Variants in THEM4 observed in about 807,000 individuals in gnomAD.
The protein encoded by THEM4 is thioesterase superfamily member 4, also known as acyl-coenzyme A thioesterase THEM4.
THEM4 carries 22 observed loss-of-function variants against 25.0 expected under a neutral mutation model. The observed-to-expected ratio is 0.88, with a 90% CI of 0.63 to 1.26. The LOEUF (loss-of-function observed/expected upper bound fraction) is 1.26. THEM4 is among the 50% of genes most tolerant of loss of function. THEM4 has a pLI of 0.00. For synonymous variants in THEM4, 113 were observed against 105.6 expected (o/e 1.07, Z -0.43); for missense variants, 286 against 300.3 (o/e 0.95, Z 0.35).
chr1:151,893,296 C>T (rs1034399732), intron 2 of THEM4, among the ~76,000 whole-genome samples: 6 of 147,352 alleles, frequency 4.1e-5, no homozygotes, highest in East Asian at 2.1e-4. Flanking sequence ...CACTTGAACC[C>T]GGGAGGAGGA....
chr1:151,905,148 C>A (rs566137406), intron 1 of THEM4, among the ~76,000 whole-genome samples: 1 of 152,292 alleles, frequency 6.6e-6, no homozygotes, highest in East Asian at 1.9e-4. Context: ...AAAAAGAGCT[C>A]CCCAGAGAAC....
intron 2 of THEM4, chr1:151,889,978 C>T (rs1391264077): frequency 5.0e-6 from 1 of 201,106 alleles, no homozygotes; most frequent in Non-Finnish European, 1.1e-5. Context: ...GTGATCTCAG[C>T]TCACCGCAAC....
chr1:151,891,973 T>G (rs1440269712), intron 2 of THEM4, among the ~76,000 whole-genome samples: 1 of 152,062 alleles, frequency 6.6e-6, no homozygotes, highest in African/African-American at 2.4e-5. Flanking sequence ...TGTTTTTTTT[T>G]GAGACAGAAT....
chr1:151,874,942 A>G lies in THEM4; in HGVS notation c.683-14T>C, dbSNP rs1653639935. ...TTATAAATAAGCCTAAACAAACAAA[A>G]TAACAGCAGATGATTATATGTCAAC... On this transcript the variant is annotated splice_polypyrimidine_tract_variant and intron_variant, in intron 5 of 5. Transcript: ENST00000368814. 6.2e-7 allele frequency: 1 copy of G among 1,606,472 alleles called. No homozygotes were observed. The highest frequency in any genetic ancestry group is 8.5e-7 in the Non-Finnish European group (1 of 1,173,006).
At chr1:151,880,729 C>A (rs1479093379) in intron 4 of THEM4, among the ~76,000 whole-genome samples, 1 of 152,046 alleles carries the variant, frequency 6.6e-6, no homozygotes, top group Non-Finnish European at 1.5e-5. Flanking sequence ...TTTTGTGTAG[C>A]ATATTTTCTC....
At chr1:151,895,456 CTTT>C (rs1654202724) in intron 1 of THEM4, among the ~76,000 whole-genome samples, 1 of 152,064 alleles carries the variant, frequency 6.6e-6, no homozygotes. Context: ...TGATTCCATT[CTTT>C]TTTTCCAGAC....
At chr1:151,907,490 C>G (rs1463806473) in intron 1 of THEM4, among the ~76,000 whole-genome samples, 1 of 152,202 alleles carries the variant, frequency 6.6e-6, no homozygotes, top group East Asian at 1.9e-4. Context: ...CCACTGTAAG[C>G]TTGTTTCAAG....
intron 1 of THEM4, among the ~76,000 whole-genome samples, chr1:151,908,727 G>A (rs1334927666): frequency 3.3e-5 from 5 of 152,184 alleles, no homozygotes; most frequent in African/African-American, 1.2e-4. Context: ...GGTCGACTGA[G>A]TTATTTTTCT....
rs912227727 is a variant in THEM4, at chr1:151,874,640, G to C, written c.*248C>G. On this transcript the variant is annotated 3_prime_UTR_variant, in exon 6 of 6. Transcript: ENST00000368814. The stretch of plus-strand genomic sequence containing the variant: ...TCCGCCTGCCTCGGCCTCCTAAAGT[G>C]CTGGGATTATAGGTGTGAGCCACAG... The C allele has an allele frequency of 9.1e-6, 5 of 550,658 alleles. No homozygotes were observed. The highest frequency in any genetic ancestry group is 1.6e-5 in the Non-Finnish European group (5 of 309,460). 34.1% of individuals were successfully genotyped at this position (550,658 alleles called of 1,614,324 possible).
chr1:151,879,383 T>C (rs1653758373), intron 4 of THEM4, among the ~76,000 whole-genome samples: 1 of 151,926 alleles, frequency 6.6e-6, no homozygotes, highest in Non-Finnish European at 1.5e-5. Context: ...AATGTTACTC[T>C]AATTTACTAT....
At chr1:151,876,510 C>T (rs180856609) in intron 5 of THEM4, among the ~76,000 whole-genome samples, 19 of 149,310 alleles carry the variant, frequency 1.3e-4, no homozygotes, top group East Asian at 1.2e-3. Context: ...TGCAGAGGTG[C>T]GATCTCAGCT....
chr1:151,883,637 G>T (rs970665826), intron 4 of THEM4, among the ~76,000 whole-genome samples: 6 of 149,002 alleles, frequency 4.0e-5, no homozygotes, highest in Admixed American at 6.7e-5. Context: ...ATTTAATTGT[G>T]CATTTTTTTT....
chr1:151,879,829 T>C (rs1653772902), intron 4 of THEM4, among the ~76,000 whole-genome samples: 1 of 151,550 alleles, frequency 6.6e-6, no homozygotes, highest in Non-Finnish European at 1.5e-5. Context: ...GCTAAGTTTT[T>C]GTATTTTTAG....
intron 1 of THEM4, among the ~76,000 whole-genome samples, chr1:151,905,735 C>A (rs1159605878): frequency 6.6e-6 from 1 of 152,212 alleles, no homozygotes. Flanking sequence ...CCTTGCTCTG[C>A]AAGTTTTATG....
chr1:151,875,377 T>C (rs1653649343), intron 5 of THEM4, among the ~76,000 whole-genome samples: 1 of 64,604 alleles, frequency 1.5e-5, no homozygotes, highest in Non-Finnish European at 3.0e-5. Flanking sequence ...ATAAATTTCT[T>C]AAACAAGATA....
At chr1:151,874,996 T>C (rs1163169096) in intron 5 of THEM4, 68 bp from the exon 6 acceptor site, 1 of 1,172,978 alleles carries the variant, frequency 8.5e-7, no homozygotes, top group Non-Finnish European at 1.3e-6. Flanking sequence ...CTACTCTAAA[T>C]AGAAAGACAT....
In THEM4 at chr1:151,887,796, A is replaced by T. The variant is rs1022651648; in HGVS notation, c.557+477T>A. Among the ~76,000 whole-genome samples, 12 of 152,214 alleles carry T rather than the reference A, an allele frequency of 7.9e-5. No individual in the cohort carries two copies. In the East Asian group the frequency reaches 1.7e-3, roughly 22 times the overall value. ...CACTGCTGGGCCCAGCTAAATTTTTAAAAAATTAATTTTGTTATGTAGTAG... is the reference window on the plus strand; with the variant it reads ...CACTGCTGGGCCCAGCTAAATTTTTTAAAAATTAATTTTGTTATGTAGTAG... On this transcript the variant is annotated intron_variant, in intron 4 of 5. Transcript: ENST00000368814.
intron 4 of THEM4, among the ~76,000 whole-genome samples, chr1:151,879,380 C>G (rs1431973103): frequency 6.6e-6 from 1 of 151,382 alleles, no homozygotes; most frequent in Non-Finnish European, 1.5e-5. Context: ...GCTAATGTTA[C>G]TCTAATTTAC....
intron 5 of THEM4, among the ~76,000 whole-genome samples, chr1:151,876,021 T>C (rs1372659534): frequency 6.6e-6 from 1 of 152,160 alleles, no homozygotes; most frequent in Non-Finnish European, 1.5e-5. Context: ...AGAGAGACAT[T>C]CATTGTGGGA....
Sources: gnomAD v4.1 joint callset for allele counts (sites outside exome capture counted in the v4.1 genomes callset) on GRCh38, gnomAD v4.1.1 for gene constraint, MANE v1.5 for transcripts, NCBI Gene and HGNC (gene_info 2026-07-23, HGNC 2026-07-21) for gene names.